The following SCLY variants were observed in gnomAD, a reference collection of about 807,000 sequenced individuals.
SCLY encodes the protein selenocysteine lyase, also known as putative selenocysteine lyase.
A neutral mutation model predicts 50.1 loss-of-function variants in SCLY; 38 were observed. That is an observed-to-expected ratio of 0.76 (90% confidence interval 0.59 to 0.99). SCLY has a LOEUF of 0.99. Among genes scored for constraint, SCLY ranks in the 50% least tolerant of loss-of-function variants. The probability of loss-of-function intolerance (pLI) is 0.00; values close to 1 mark genes in which losing one functional copy is unlikely to be tolerated. For missense variants in SCLY, 600 were observed against 620.0 expected (o/e 0.97, Z 0.34); for synonymous variants, 243 against 249.4 (o/e 0.97, Z 0.24).
intron 1 of SCLY, among the ~76,000 whole-genome samples, chr2:238,063,298 G>T (rs1430743995): frequency 6.6e-6 from 1 of 151,338 alleles, no homozygotes; most frequent in African/African-American, 2.4e-5. Context: ...TGTTGCCCAG[G>T]CTAGAGTGCA....
chr2:238,069,712 G>C lies in SCLY; in HGVS notation c.484+235G>C, dbSNP rs1461489121. 2.3e-6 allele frequency: 1 copy of C among 433,348 alleles called. No individual in the cohort carries two copies. Among genetic ancestry groups the C allele is most frequent in the Non-Finnish European group, 4.0e-6 (1 of 246,984 alleles). 26.8% of individuals were successfully genotyped at this position (433,348 alleles called of 1,614,324 possible). ...TCGGTGCAGAGGCCAGCTGCCACAAGGGGGTTGGCAAGTGTGGCCAAACTT... is the reference window on the plus strand; with the variant it reads ...TCGGTGCAGAGGCCAGCTGCCACAACGGGGTTGGCAAGTGTGGCCAAACTT... On this transcript the variant is annotated intron_variant, in intron 4 of 11. Transcript: ENST00000254663. The surrounding 1 kb of genome is among the most constrained non-coding windows in gnomAD (Gnocchi z 5.0).
At position 238,064,435 on chromosome 2, in the gene SCLY, A is replaced by C. The variant is rs770362087; in HGVS notation, c.168A>C (p.Glu56Asp). ...VIQAMTKAMW[E>D]AWGNPSSPYS... ...AGGCCATGACCAAGGCCATGTGGGAAGCCTGGGGAAATCCCAGCAGCCCGT... is the reference window on the plus strand; with the variant it reads ...AGGCCATGACCAAGGCCATGTGGGACGCCTGGGGAAATCCCAGCAGCCCGT... The change falls in exon 2 of 12, where the codon GAA becomes GAC. Residue 56 changes from glutamate to aspartate, a missense_variant. Physicochemically the swap from Glu to Asp is conservative, Grantham distance 45. Coordinates refer to ENST00000254663, the MANE Select transcript of SCLY (RefSeq NM_016510.7). The C allele has an allele frequency of 6.2e-7, 1 of 1,610,428 alleles. No homozygotes were observed. Among genetic ancestry groups the C allele is most frequent in the African/African-American group, 1.3e-5 (1 of 74,704 alleles).
chr2:238,073,863 T>C (rs1238309139), intron 4 of SCLY: 2 of 431,300 alleles, frequency 4.6e-6, no homozygotes, highest in Non-Finnish European at 9.2e-6. Context: ...TATATTTTTA[T>C]TCCTTATGAT....
At chr2:238,084,029 C>G (rs1162526518) in intron 7 of SCLY, among the ~76,000 whole-genome samples, 2 of 152,258 alleles carry the variant, frequency 1.3e-5, no homozygotes, top group African/African-American at 4.8e-5. Flanking sequence ...ACAACACTTG[C>G]TTTACTCCAG....
rs1273237705 is a variant in SCLY at position 238,099,232 on chromosome 2, G to T, written c.*877G>T. 2 of 471,420 alleles carry T rather than the reference G, an allele frequency of 4.2e-6. No individual in the cohort carries two copies. The highest frequency in any genetic ancestry group is 3.1e-5 in the South Asian group (2 of 64,404). The allele number at this position is 471,420 out of a possible 1,614,324, so 29.2% of individuals were successfully genotyped here. ...TTTTACCTTAATTTTATTTGCAGAG[G>T]ATTCTTTTCTCAAAATGCTCTGGCA... On this transcript the variant is annotated 3_prime_UTR_variant, in exon 12 of 12. Coordinates refer to ENST00000254663, the MANE Select transcript of SCLY (RefSeq NM_016510.7).
intron 4 of SCLY, among the ~76,000 whole-genome samples, chr2:238,078,352 A>C (rs1300004077): frequency 1.3e-5 from 2 of 151,868 alleles, no homozygotes; most frequent in African/African-American, 4.8e-5. Flanking sequence ...AGTACCACCT[A>C]TTTTCACTTT....
intron 4 of SCLY, 124 bp from the exon 5 acceptor site, chr2:238,081,585 G>A (rs2065237924): frequency 7.4e-7 from 1 of 1,351,004 alleles, no homozygotes; most frequent in South Asian, 1.4e-5. Flanking sequence ...CTTCTTTATA[G>A]TCTTCTGAAC....
rs1363062424 is a variant in SCLY at position 238,082,109 on chromosome 2, C to T, written c.677C>T (p.Pro226Leu). 1 of 1,613,602 alleles carries T rather than the reference C, an allele frequency of 6.2e-7. No individual in the cohort carries two copies. The stretch of plus-strand genomic sequence containing the variant: ...CAGGAACGGGTGGCAGCTGGGCTAC[C>T]TCCCATCCTCGTGCACACGGATGCT... ...LNQERVAAGL[P>L]PILVHTDAAQ... Residue 226 changes from proline to leucine, a missense_variant, in exon 6 of 12, where the codon CCT becomes CTT. Physicochemically the swap from Pro to Leu is moderately conservative, Grantham distance 98. Coordinates refer to ENST00000254663, the MANE Select transcript of SCLY (RefSeq NM_016510.7).
At chr2:238,094,590 G>C (rs766987794) in intron 10 of SCLY, 68 bp downstream of exon 10, 1 of 1,333,614 alleles carries the variant, frequency 7.5e-7, no homozygotes, top group Non-Finnish European at 1.1e-6. Flanking sequence ...ATTCTGGTCC[G>C]AGCCAGTGAC....
chr2:238,065,163 C>T (rs985602254), intron 2 of SCLY: 10 of 152,176 alleles, frequency 6.6e-5, no homozygotes, highest in Non-Finnish European at 1.0e-4. Flanking sequence ...GTAACACTTG[C>T]GTACAATTTA....
At chr2:238,079,068 C>CTTTTTTTT (rs59238768) in intron 4 of SCLY, 11 of 93,184 alleles carry the variant, frequency 1.2e-4, no homozygotes, top group Admixed American at 1.5e-4. Flanking sequence ...CTTTCTTTTT[C>CTTTTTTTT]TTTTTTTTTT....
In SCLY at chr2:238,069,470, A is replaced by G. The variant is rs779450765; in HGVS notation, c.477A>G (p.Gln159=). ...RLPLEHLVEE[Q]VAAVTFVPVS... Reference sequence around the variant, plus strand: ...CCCTGGAGCACCTGGTGGAAGAACAAGTGGCAGGTGAGTGAGTGCAGGGTG... The same window carrying G: ...CCCTGGAGCACCTGGTGGAAGAACAGGTGGCAGGTGAGTGAGTGCAGGGTG... Residue 159 remains glutamine (Q), a synonymous_variant, in exon 4 of 12, where the codon CAA becomes CAG. Coordinates refer to ENST00000254663, the MANE Select transcript of SCLY (RefSeq NM_016510.7). The surrounding 1 kb of genome is among the most constrained non-coding windows in gnomAD (Gnocchi z 5.0). The G allele has an allele frequency of 1.9e-6, 3 of 1,611,770 alleles. No homozygotes were observed. The highest frequency in any genetic ancestry group is 2.5e-6 in the Non-Finnish European group (3 of 1,178,810).
chr2:238,092,451 C>G (rs2065374037), intron 8 of SCLY: 1 of 152,216 alleles, frequency 6.6e-6, no homozygotes, highest in Non-Finnish European at 1.5e-5. Flanking sequence ...GTAGTGGTGC[C>G]GTCCACAGGC....
intron 7 of SCLY, among the ~76,000 whole-genome samples, chr2:238,090,944 T>C (rs2065355219): frequency 6.7e-6 from 1 of 150,118 alleles, no homozygotes; most frequent in Admixed American, 6.6e-5. Context: ...AGTGCTTGCT[T>C]TGGGTAGGAA....
At chr2:238,076,925 T>C (rs1202784155) in intron 4 of SCLY, among the ~76,000 whole-genome samples, 2 of 152,148 alleles carry the variant, frequency 1.3e-5, no homozygotes, top group Admixed American at 6.5e-5. Flanking sequence ...TGGAGGATAA[T>C]GTATATTCTG....
chr2:238,083,007 C>A lies in SCLY; in HGVS notation c.778-241C>A. ...ATGATGCGCAGGGGAGAGCTGCCTGCCACAGAGCTGAGCACGAGAGTCTAG... is the reference window on the plus strand; with the variant it reads ...ATGATGCGCAGGGGAGAGCTGCCTGACACAGAGCTGAGCACGAGAGTCTAG... On this transcript the variant is annotated intron_variant, in intron 6 of 11. Coordinates refer to ENST00000254663, the MANE Select transcript of SCLY (RefSeq NM_016510.7). The surrounding 1 kb of genome is among the most constrained non-coding windows in gnomAD (Gnocchi z 4.3). 1 of 582,852 alleles carries A rather than the reference C, an allele frequency of 1.7e-6. No homozygotes were observed. Among genetic ancestry groups the A allele is most frequent in the Non-Finnish European group, 3.3e-6 (1 of 303,138 alleles). 36.1% of individuals were successfully genotyped at this position (582,852 alleles called of 1,614,324 possible).
chr2:238,088,345 CCAGCTACTTGGAAGGCTGAGGCA>C (rs1559249727), intron 7 of SCLY, among the ~76,000 whole-genome samples: 1 of 152,006 alleles, frequency 6.6e-6, no homozygotes, highest in Non-Finnish European at 1.5e-5. Context: ...GCTTGTAATC[CCAGCTACTTGGAAGGCTGAGGCA>C]CAAGAATCGA....
intron 10 of SCLY, 22 bp from the exon 11 acceptor site, chr2:238,096,779 G>A (rs545554757): frequency 6.3e-7 from 1 of 1,599,910 alleles, no homozygotes; most frequent in Non-Finnish European, 8.5e-7. Flanking sequence ...CCATCTCAGG[G>A]GCATGTGCTC....
intron 7 of SCLY, among the ~76,000 whole-genome samples, chr2:238,084,258 G>A (rs1160632085): frequency 2.0e-5 from 3 of 152,144 alleles, no homozygotes; most frequent in Non-Finnish European, 4.4e-5. Flanking sequence ...TCAGTCACAG[G>A]GAGCGTCCTC....
Sources: gnomAD v4.1 joint callset for allele counts (sites outside exome capture counted in the v4.1 genomes callset) on GRCh38, gnomAD v4.1.1 for gene constraint, Gnocchi (gnomAD v3.1) non-coding constraint, MANE v1.5 for transcripts, NCBI Gene and HGNC (gene_info 2026-07-23, HGNC 2026-07-21) for gene names.